The following PRKN variants were observed in gnomAD, a reference collection of about 807,000 sequenced individuals.
The protein encoded by PRKN is E3 ubiquitin-protein ligase parkin.
Under a neutral mutation model 59.5 loss-of-function variants are expected in PRKN, and 56 were observed. The observed-to-expected ratio is 0.94, with a 90% confidence interval of 0.76 to 1.18. The LOEUF is 1.18. Among genes scored for constraint, PRKN ranks in the 50% most tolerant of loss-of-function variants. The pLI, the probability that PRKN is intolerant of heterozygous loss-of-function variation, is 0.00. For missense variants in PRKN, 657 were observed against 596.4 expected, an observed-to-expected ratio of 1.10 and a Z score of -1.06; for synonymous variants, 250 against 222.1, an observed-to-expected ratio of 1.13 and a Z score of -1.12.
At chr6:161,710,484 T>C (rs890388038) in intron 7 of PRKN, among the ~76,000 whole-genome samples, 11 of 152,168 alleles carry the variant, frequency 7.2e-5, no homozygotes, top group African/African-American at 2.4e-4. Flanking sequence ...CTTCTTCATA[T>C]CCTCAGTTTT....
Position 162,251,803 on chromosome 6 carries a change from A to G in PRKN, c.412+10722T>C, listed in dbSNP as rs146822608. 9.7e-4 allele frequency among the ~76,000 whole-genome samples: 147 copies of G among 152,308 alleles called. 2 individuals are homozygous for G. In the East Asian group the frequency reaches 0.022, roughly 23 times the overall value. The stretch of plus-strand genomic sequence containing the variant: ...TCATGTGGTGTCTTTCCATGCCATT[A>G]AATAATATTCTCAACATCATCTTCA... On this transcript the variant is annotated intron_variant, in intron 3 of 11. Coordinates refer to ENST00000366898, the MANE Select transcript of PRKN (RefSeq NM_004562.3).
chr6:162,226,443 G>C (rs561349562), intron 3 of PRKN, among the ~76,000 whole-genome samples: 1 of 152,308 alleles, frequency 6.6e-6, no homozygotes, highest in East Asian at 1.9e-4. Flanking sequence ...CTCACGAGCA[G>C]AGCCATGTGG....
In PRKN at chr6:162,321,223, T is replaced by A. The variant is rs186456646; in HGVS notation, c.172-58458A>T. On this transcript the variant is annotated intron_variant, in intron 2 of 11. Coordinates refer to ENST00000366898, the MANE Select transcript of PRKN (RefSeq NM_004562.3). ...ACACATTGTAGAGATACCACAAGGA[T>A]AAGAGAATATTCTGAGCAATTTTCT... Among the ~76,000 whole-genome samples the A allele has an allele frequency of 4.9e-4, 75 of 151,928 alleles. 1 individual carries two copies. Among genetic ancestry groups the A allele is most frequent in the African/African-American group, 1.7e-3 (69 of 41,528 alleles).
At chr6:162,046,667 CT>C (rs1784262232) in intron 5 of PRKN, among the ~76,000 whole-genome samples, 2 of 152,082 alleles carry the variant, frequency 1.3e-5, no homozygotes, top group South Asian at 4.1e-4. Context: ...AAGAAGATGG[CT>C]GTTAATTCAA....
At chr6:162,001,827 T>C (rs1229023103) in intron 5 of PRKN, among the ~76,000 whole-genome samples, 1 of 150,704 alleles carries the variant, frequency 6.6e-6, no homozygotes, top group Non-Finnish European at 1.5e-5. Flanking sequence ...AGTTCCCCTG[T>C]ATCTCTAGTT....
intron 6 of PRKN, among the ~76,000 whole-genome samples, chr6:161,957,406 G>GTTTTTTTTT (rs1157574100): frequency 7.6e-6 from 1 of 131,434 alleles, no homozygotes; most frequent in African/African-American, 3.1e-5. Context: ...TGTTGTTCTT[G>GTTTTTTTTT]TTGTTTTTTT....
chr6:162,129,408 TTGC>T (rs1339157094), intron 4 of PRKN, among the ~76,000 whole-genome samples: 1 of 152,184 alleles, frequency 6.6e-6, no homozygotes, highest in Non-Finnish European at 1.5e-5. Flanking sequence ...GCTTAACATT[TTGC>T]TGCTACTAAC....
rs1214105330 is a variant in PRKN at position 162,056,248 on chromosome 6, CACAT to C, written c.535-2078_535-2075del. On this transcript the variant is annotated intron_variant, in intron 4 of 11. Transcript: ENST00000366898. This position sits in a 1 kb window ranked among gnomAD's most constrained non-coding sequence, Gnocchi z 4.9. ...CCCCACACGCCTAACACACCCCACA[CACAT>C]ACATCCAAACACATACATGCACACC... Among the ~76,000 whole-genome samples, 1 of 151,558 alleles carries C rather than the reference CACAT, an allele frequency of 6.6e-6. No individual in the cohort carries two copies. Among genetic ancestry groups the C allele is most frequent in the Non-Finnish European group, 1.5e-5 (1 of 67,878 alleles).
intron 2 of PRKN, among the ~76,000 whole-genome samples, chr6:162,362,776 A>G (rs1476965401): frequency 6.6e-6 from 1 of 152,058 alleles, no homozygotes; most frequent in Non-Finnish European, 1.5e-5. Context: ...TCTAGCCCAG[A>G]AAAAAACTTT....
chr6:162,460,134 A>G (rs1375948230), intron 1 of PRKN, among the ~76,000 whole-genome samples: 1 of 152,252 alleles, frequency 6.6e-6, no homozygotes, highest in Non-Finnish European at 1.5e-5. Flanking sequence ...TCAATTAACC[A>G]ATGATATATG....
intron 9 of PRKN, among the ~76,000 whole-genome samples, chr6:161,479,811 A>G (rs11969266): frequency 0.088 from 13,332 of 152,142 alleles, 823 homozygotes; most frequent in African/African-American, 0.18. Flanking sequence ...CCCTCCCTGT[A>G]TTGTGACAGT....
intron 9 of PRKN, among the ~76,000 whole-genome samples, chr6:161,509,107 G>C (rs1778282704): frequency 6.6e-6 from 1 of 152,114 alleles, no homozygotes; most frequent in South Asian, 2.1e-4. Context: ...GCCTCCCAAA[G>C]TGCTGGGATT....
intron 2 of PRKN, among the ~76,000 whole-genome samples, chr6:162,337,327 TTG>T (rs1409416037): frequency 7.9e-5 from 12 of 152,212 alleles, no homozygotes; most frequent in Admixed American, 4.6e-4. Context: ...GTATTTGAAA[TTG>T]TTTTAATATT....
chr6:161,617,308 C>T (rs534650177), intron 7 of PRKN, among the ~76,000 whole-genome samples: 3 of 152,224 alleles, frequency 2.0e-5, no homozygotes, highest in East Asian at 3.9e-4. Flanking sequence ...GATAGTAGCC[C>T]TTTGTCAGAT....
intron 4 of PRKN, among the ~76,000 whole-genome samples, chr6:162,168,047 G>T (rs1327085127): frequency 1.3e-5 from 2 of 152,028 alleles, no homozygotes; most frequent in Non-Finnish European, 2.9e-5. Flanking sequence ...AGACAAAATT[G>T]CTCAAAGGTT....
intron 6 of PRKN, among the ~76,000 whole-genome samples, chr6:161,877,741 T>A (rs975692250): frequency 6.0e-4 from 92 of 152,210 alleles, no homozygotes; most frequent in Non-Finnish European, 1.0e-3. Context: ...GTGCTGGGAT[T>A]ACAGGCGGGA....
chr6:162,487,155 T>A (rs1583656143), intron 1 of PRKN, among the ~76,000 whole-genome samples: 1 of 152,248 alleles, frequency 6.6e-6, no homozygotes, highest in Non-Finnish European at 1.5e-5. Flanking sequence ...GATTAACTCT[T>A]TAAAATCTAA....
intron 1 of PRKN, among the ~76,000 whole-genome samples, chr6:162,501,674 C>T (rs895682091): frequency 7.9e-5 from 12 of 151,966 alleles, no homozygotes; most frequent in African/African-American, 2.7e-4. Context: ...AAAACTCTAA[C>T]CTGTGACTCT....
rs193286156 is a variant in PRKN, at chr6:161,461,969, C to T, written c.1084-75092G>A. On this transcript the variant is annotated intron_variant, in intron 9 of 11. Transcript: ENST00000366898. This position sits in a 1 kb window ranked among gnomAD's most constrained non-coding sequence, Gnocchi z 5.1. ...CTTGAAAATAACAGCGGTTAAAGGGCAGGTGGAAGACTAGCTTGCAATGTG... is the reference window on the plus strand; with the variant it reads ...CTTGAAAATAACAGCGGTTAAAGGGTAGGTGGAAGACTAGCTTGCAATGTG... Among the ~76,000 whole-genome samples the T allele has an allele frequency of 3.2e-4, 49 of 152,054 alleles. No individual in the cohort carries two copies. In the East Asian group the frequency reaches 9.1e-3, roughly 28 times the overall value.
Sources: allele counts gnomAD v4.1 joint callset (sites outside exome capture counted in the v4.1 genomes callset), GRCh38; gene constraint gnomAD v4.1.1; non-coding constraint Gnocchi (gnomAD v3.1); transcripts MANE v1.5; gene names NCBI Gene and HGNC (gene_info 2026-07-23, HGNC 2026-07-21).